The following UNC5D variants were observed in gnomAD, a reference collection of about 807,000 sequenced individuals.
UNC5D encodes netrin receptor UNC5D.
Under a neutral mutation model 105.4 loss-of-function variants are expected in UNC5D, and 39 were observed. The observed-to-expected ratio is 0.37, with a 90% CI of 0.29 to 0.48. UNC5D has a LOEUF of 0.48. Ranked by LOEUF, UNC5D falls within the 20% of genes least tolerant of loss-of-function variation. The pLI, the probability that UNC5D is intolerant of heterozygous loss-of-function variation, is 0.98. For synonymous variants in UNC5D, 452 were observed against 450.4 expected, an observed-to-expected ratio of 1.00 and a Z score of -0.04; for missense variants, 991 against 1,202.4, an observed-to-expected ratio of 0.82 and a Z score of 2.60.
chr8:35,319,521 ATG>A (rs1809564282), intron 1 of UNC5D, among the ~76,000 whole-genome samples: 1 of 152,074 alleles, frequency 6.6e-6, no homozygotes. Context: ...GTCTCCCTGG[ATG>A]TGTGTTTCAG....
chr8:35,584,199 A>C (rs1818636558), intron 3 of UNC5D, among the ~76,000 whole-genome samples: 1 of 152,198 alleles, frequency 6.6e-6, no homozygotes, highest in Non-Finnish European at 1.5e-5. Flanking sequence ...AGGCACAAAA[A>C]AAGAAGCAGG....
At chr8:35,493,281 C>CAAAAAAAA (rs35199794) in intron 1 of UNC5D, among the ~76,000 whole-genome samples, 14 of 67,108 alleles carry the variant, frequency 2.1e-4, no homozygotes, top group South Asian at 6.7e-4. Flanking sequence ...AGTCTGTGAC[C>CAAAAAAAA]AAAAAAAAAA....
Position 35,481,495 on chromosome 8 carries a change from T to A in UNC5D, c.104-67797T>A, listed in dbSNP as rs545365773. Among the ~76,000 whole-genome samples, 3 of 152,284 alleles carry A rather than the reference T, an allele frequency of 2.0e-5. 1 individual carries two copies. Among genetic ancestry groups the A allele is most frequent in the South Asian group, 4.1e-4 (2 of 4,828 alleles). ...CCTTATAGAACAGACTTGTACCAGG[T>A]CTTCAGCCCCTACATGCTTAACACA... On this transcript the variant is annotated intron_variant, in intron 1 of 16. Transcript: ENST00000404895.
chr8:35,623,806 C>G (rs1037972688), intron 4 of UNC5D, among the ~76,000 whole-genome samples: 1 of 152,144 alleles, frequency 6.6e-6, no homozygotes, highest in Non-Finnish European at 1.5e-5. Flanking sequence ...CATGGCCGGG[C>G]GCAGTGGCTC....
intron 4 of UNC5D, among the ~76,000 whole-genome samples, chr8:35,605,707 T>C (rs2130951492): frequency 1.3e-5 from 2 of 152,324 alleles, no homozygotes; most frequent in East Asian, 3.9e-4. Flanking sequence ...TATGCAAATA[T>C]AAATTTATTA....
At chr8:35,537,905 A>G (rs930651448) in intron 1 of UNC5D, among the ~76,000 whole-genome samples, 6 of 152,044 alleles carry the variant, frequency 3.9e-5, no homozygotes, top group African/African-American at 7.2e-5. Flanking sequence ...TTCAACAAAC[A>G]CATGTAGAGT....
chr8:35,319,980 A>T (rs4341159), intron 1 of UNC5D, among the ~76,000 whole-genome samples: 124,601 of 151,932 alleles, frequency 0.82, 51,551 homozygotes, highest in East Asian at 1. Flanking sequence ...GTAGCAGCAA[A>T]GTGTTGACAA....
intron 1 of UNC5D, among the ~76,000 whole-genome samples, chr8:35,445,379 G>T (rs1205615696): frequency 1.3e-5 from 2 of 151,998 alleles, no homozygotes; most frequent in Non-Finnish European, 2.9e-5. Context: ...GACATTTTTA[G>T]TGAAATATGA....
chr8:35,418,128 A>ATT (rs571296901), intron 1 of UNC5D, among the ~76,000 whole-genome samples: 1 of 151,428 alleles, frequency 6.6e-6, no homozygotes, highest in Non-Finnish European at 1.5e-5. Context: ...GATTTTAAAT[A>ATT]TTTTTTTTTA....
At chr8:35,526,042 C>T (rs952992958) in intron 1 of UNC5D, among the ~76,000 whole-genome samples, 1 of 152,160 alleles carries the variant, frequency 6.6e-6, no homozygotes, top group Non-Finnish European at 1.5e-5. Flanking sequence ...GTGACACTGG[C>T]CCAGCAGTGA....
intron 1 of UNC5D, among the ~76,000 whole-genome samples, chr8:35,529,369 C>T (rs1278751137): frequency 3.2e-4 from 45 of 141,396 alleles, no homozygotes; most frequent in African/African-American, 4.4e-4. Context: ...AGATATGCGG[C>T]GTTATTTCTG....
intron 1 of UNC5D, among the ~76,000 whole-genome samples, chr8:35,434,157 G>A (rs1806843575): frequency 6.6e-6 from 1 of 151,988 alleles, no homozygotes; most frequent in Non-Finnish European, 1.5e-5. Flanking sequence ...AAAACCTGGT[G>A]AATTTATGAA....
Position 35,241,552 on chromosome 8 carries a change from T to C in UNC5D, c.103+5665T>C, listed in dbSNP as rs78518069. ...TTTTTCAGATGATATCAGGCCACTA[T>C]AGAGCATAAAATATTTCTGAATATT... On this transcript the variant is annotated intron_variant, in intron 1 of 16. Transcript: ENST00000404895. Among the ~76,000 whole-genome samples, 358 of 152,242 alleles carry C rather than the reference T, an allele frequency of 2.4e-3. 12 individuals carry two copies. In the East Asian group the frequency reaches 0.061, roughly 26 times the overall value.
At chr8:35,678,935 A>G (rs1049809043) in intron 4 of UNC5D, among the ~76,000 whole-genome samples, 1 of 152,134 alleles carries the variant, frequency 6.6e-6, no homozygotes, top group Non-Finnish European at 1.5e-5. Context: ...AATGACGAGT[A>G]CAAATGATAT....
intron 16 of UNC5D, among the ~76,000 whole-genome samples, chr8:35,777,541 A>G (rs1457453344): frequency 6.6e-6 from 1 of 152,224 alleles, no homozygotes; most frequent in African/African-American, 2.4e-5. Context: ...AGTGAAAATG[A>G]TTTAAACTAA....
At chr8:35,527,469 G>C (rs539475751) in intron 1 of UNC5D, among the ~76,000 whole-genome samples, 1 of 152,254 alleles carries the variant, frequency 6.6e-6, no homozygotes, top group Admixed American at 6.5e-5. Context: ...CAGCTTCCTT[G>C]TTAGCAGATG....
rs1344699166 is a variant in UNC5D at position 35,794,719 on chromosome 8, A to G, written c.*4156A>G. On this transcript the variant is annotated 3_prime_UTR_variant, in exon 17 of 17. Coordinates refer to ENST00000404895, the MANE Select transcript of UNC5D (RefSeq NM_080872.4). ...CCAAACTCTTTCAAAAGCTGCCGTTACAAAGCTGTTTGGCTGTATTGACAG... is the reference window on the plus strand; with the variant it reads ...CCAAACTCTTTCAAAAGCTGCCGTTGCAAAGCTGTTTGGCTGTATTGACAG... 6.6e-6 allele frequency: 1 copy of G among 152,658 alleles called. No homozygotes were observed. Among genetic ancestry groups the G allele is most frequent in the East Asian group, 1.9e-4 (1 of 5,202 alleles). The allele number at this position is 152,658 out of a possible 1,614,324, so 9.5% of individuals were successfully genotyped here. A position where few individuals can be genotyped will look rare whatever the true frequency, so the allele number is the denominator to read the frequency against.
chr8:35,567,004 G>C (rs1586148234), intron 2 of UNC5D, among the ~76,000 whole-genome samples: 1 of 151,616 alleles, frequency 6.6e-6, no homozygotes, highest in East Asian at 1.9e-4. Context: ...CAAAGGTGGA[G>C]AAGAAGCTCA....
intron 13 of UNC5D, among the ~76,000 whole-genome samples, chr8:35,752,350 G>A (rs150918639): frequency 5.3e-5 from 8 of 152,136 alleles, no homozygotes; most frequent in East Asian, 1.9e-4. Flanking sequence ...TATTTCCTCA[G>A]TAACTAGATT....
Sources: allele counts gnomAD v4.1 joint callset (sites outside exome capture counted in the v4.1 genomes callset), GRCh38; gene constraint gnomAD v4.1.1; transcripts MANE v1.5; gene names NCBI Gene and HGNC (gene_info 2026-07-23, HGNC 2026-07-21).